TUSC3: variants seen among roughly 807,000 people sequenced by gnomAD.
The protein encoded by TUSC3 is dolichyl-diphosphooligosaccharide--protein glycosyltransferase subunit TUSC3.
Under a neutral mutation model 44.8 loss-of-function variants are expected in TUSC3, and 45 were observed. The observed-to-expected ratio is 1.00, with a 90% CI of 0.79 to 1.29. TUSC3 has a LOEUF of 1.29. TUSC3 is among the 50% of genes most tolerant of loss of function. TUSC3 has a pLI of 0.00. For synonymous variants in TUSC3, 212 were observed against 152.9 expected, an observed-to-expected ratio of 1.39 and a Z score of -2.85; for missense variants, 519 against 437.9, an observed-to-expected ratio of 1.19 and a Z score of -1.65.
At chr8:15,843,382 G>A in the TUSC3 span, among the ~76,000 whole-genome samples, 1 of 151,970 alleles carries the variant, frequency 6.6e-6, no homozygotes, top group Non-Finnish European at 1.5e-5. Flanking sequence ...CATGCTACAT[G>A]TTTTAAGAAA....
At chr8:15,490,442 C>A (rs111651449) in intron 2 of TUSC3, among the ~76,000 whole-genome samples, 1 of 152,256 alleles carries the variant, frequency 6.6e-6, no homozygotes, top group East Asian at 1.9e-4. Context: ...ATCATCACCA[C>A]CCTGCAATTT....
At chr8:15,505,111 C>G (rs1320560677) in intron 2 of TUSC3, among the ~76,000 whole-genome samples, 1 of 152,124 alleles carries the variant, frequency 6.6e-6, no homozygotes, top group Non-Finnish European at 1.5e-5. Context: ...ACAGATTGCC[C>G]TCCATCCGCC....
At chr8:15,728,339 C>G (rs1043099350) in intron 6 of TUSC3, among the ~76,000 whole-genome samples, 2 of 151,518 alleles carry the variant, frequency 1.3e-5, no homozygotes, top group African/African-American at 4.9e-5. Flanking sequence ...ATCTTTGGGC[C>G]TTATATTTTA....
intron 6 of TUSC3, among the ~76,000 whole-genome samples, chr8:15,727,245 T>C (rs1810531690): frequency 6.6e-6 from 1 of 152,146 alleles, no homozygotes; most frequent in Admixed American, 6.6e-5. Context: ...GCCCCATAAA[T>C]GAAAGCTAAC....
downstream of TUSC3, among the ~76,000 whole-genome samples, chr8:15,770,654 A>G (rs982964857): frequency 2.0e-5 from 3 of 152,226 alleles, no homozygotes; most frequent in Admixed American, 6.5e-5. Context: ...AATAATTGGA[A>G]AAGTCATTAG....
chr8:15,748,573 T>C (rs761471544), intron 9 of TUSC3, 108 bp downstream of exon 9: 3 of 1,073,428 alleles, frequency 2.8e-6, no homozygotes, highest in Non-Finnish European at 4.3e-6. Context: ...TGTGGTTTTT[T>C]TAAATTCAGT....
chr8:15,484,537 A>C (rs930620724), intron 2 of TUSC3, among the ~76,000 whole-genome samples: 3 of 152,388 alleles, frequency 2.0e-5, no homozygotes, highest in Non-Finnish European at 4.4e-5. Context: ...GTATTCAGAA[A>C]ATTATCCAAC....
chr8:15,650,682 C>G lies in TUSC3; in HGVS notation c.309-15C>G, dbSNP rs201325136. ...GTACTGATGTGTTTCTACTATGGCC[C>G]ATTATTCTTATCAGGCAAGCTAATG... is the stretch of plus-strand genomic sequence containing the variant. On this transcript the variant is annotated splice_polypyrimidine_tract_variant and intron_variant, in intron 2 of 10. Coordinates refer to ENST00000503731, the MANE Select transcript of TUSC3 (RefSeq NM_006765.4). 179 of 1,608,064 alleles carry G rather than the reference C, an allele frequency of 1.1e-4. No individual in the cohort carries two copies. The African/African-American group carries it at 1.9e-3, about 17-fold the overall frequency.
At chr8:15,602,716 G>C (rs1022392926) in intron 1 of TUSC3, among the ~76,000 whole-genome samples, 18 of 150,296 alleles carry the variant, frequency 1.2e-4, no homozygotes, top group African/African-American at 4.4e-4. Flanking sequence ...GTATGTATAC[G>C]TGTGTATACA....
chr8:15,774,176 C>A, the TUSC3 span, among the ~76,000 whole-genome samples: 2 of 152,050 alleles, frequency 1.3e-5, no homozygotes, highest in Non-Finnish European at 2.9e-5. Context: ...CGAATTCTTA[C>A]AAATCAATAG....
At chr8:15,520,934 A>C (rs1023873117) in intron 2 of TUSC3, among the ~76,000 whole-genome samples, 1 of 152,234 alleles carries the variant, frequency 6.6e-6, no homozygotes, top group East Asian at 1.9e-4. Context: ...GTGGAGCCTG[A>C]AATAAAGGCT....
intron 2 of TUSC3, among the ~76,000 whole-genome samples, chr8:15,517,283 A>C (rs1000600594): frequency 2.7e-4 from 41 of 152,152 alleles, no homozygotes; most frequent in African/African-American, 9.9e-4. Flanking sequence ...TTACGCCCAT[A>C]GCTAAAATGA....
At chr8:15,485,464 C>CT (rs11372919) in intron 2 of TUSC3, among the ~76,000 whole-genome samples, 38,406 of 134,532 alleles carry the variant, frequency 0.29, 5,863 homozygotes, top group East Asian at 0.52. Flanking sequence ...ACTCTGTTGT[C>CT]TTTTTTTTTT....
intron 1 of TUSC3, among the ~76,000 whole-genome samples, chr8:15,426,122 TA>T (rs1799800583): frequency 6.6e-6 from 1 of 152,246 alleles, no homozygotes; most frequent in Non-Finnish European, 1.5e-5. Flanking sequence ...TGCATATATT[TA>T]AAGTGTACAT....
intron 2 of TUSC3, among the ~76,000 whole-genome samples, chr8:15,519,701 T>G (rs1174858343): frequency 2.0e-5 from 3 of 152,184 alleles, no homozygotes; most frequent in Admixed American, 6.5e-5. Flanking sequence ...GAAAATTGTC[T>G]TCCATGAAAC....
At chr8:15,693,376 G>C (rs972351960) in intron 6 of TUSC3, among the ~76,000 whole-genome samples, 1 of 150,174 alleles carries the variant, frequency 6.7e-6, no homozygotes, top group Non-Finnish European at 1.5e-5. Flanking sequence ...TTTCAGAAAA[G>C]GATGTCTTAC....
intron 1 of TUSC3, among the ~76,000 whole-genome samples, chr8:15,476,564 T>A (rs1200736125): frequency 6.6e-6 from 1 of 152,262 alleles, no homozygotes; most frequent in Admixed American, 6.5e-5. Context: ...TTAGAATATT[T>A]CAATTCTGTT....
chr8:15,577,898 C>G (rs2129145507), intron 1 of TUSC3, among the ~76,000 whole-genome samples: 1 of 150,936 alleles, frequency 6.6e-6, no homozygotes, highest in African/African-American at 2.4e-5. Context: ...TGTAAATTAC[C>G]TTGGGCAGTA....
At chr8:15,555,413 C>T (rs1802224429) in intron 1 of TUSC3, among the ~76,000 whole-genome samples, 1 of 149,022 alleles carries the variant, frequency 6.7e-6, no homozygotes, top group African/African-American at 2.5e-5. Context: ...CCTCCCACCT[C>T]AGCCTCCCCA....
Sources: allele counts gnomAD v4.1 joint callset (sites outside exome capture counted in the v4.1 genomes callset), GRCh38; gene constraint gnomAD v4.1.1; transcripts MANE v1.5; gene names NCBI Gene and HGNC (gene_info 2026-07-23, HGNC 2026-07-21).